Variants in RBFOX1 observed in about 807,000 individuals in gnomAD.
RBFOX1 encodes RNA binding fox-1 homolog 1.
In RBFOX1, 8 loss-of-function variants were observed where a neutral mutation model predicts 57.7. The observed-to-expected ratio is 0.14, with a 90% CI of 0.08 to 0.25. RBFOX1 has a LOEUF of 0.25. RBFOX1 is among the 10% of genes least tolerant of loss of function. The pLI is 1.00. For synonymous variants in RBFOX1, 326 were observed against 222.4 expected, an observed-to-expected ratio of 1.47 and a Z score of -4.15; for missense variants, 611 against 548.5, an observed-to-expected ratio of 1.11 and a Z score of -1.14.
At chr16:7,310,844 T>C (rs2142568738) in intron 4 of RBFOX1, among the ~76,000 whole-genome samples, 2 of 152,314 alleles carry the variant, frequency 1.3e-5, no homozygotes, top group Middle Eastern at 6.8e-3. Context: ...GCTGCCCTTC[T>C]AGACTCTCCC....
intron 1 of RBFOX1, among the ~76,000 whole-genome samples, chr16:5,334,315 T>C (rs914016013): frequency 1.3e-5 from 2 of 152,210 alleles, no homozygotes; most frequent in South Asian, 4.1e-4. Flanking sequence ...GTCATGCCGA[T>C]GTTAGCCATT....
At chr16:6,347,723 A>G (rs1432886163) in intron 2 of RBFOX1, among the ~76,000 whole-genome samples, 1 of 152,240 alleles carries the variant, frequency 6.6e-6, no homozygotes, top group East Asian at 1.9e-4. Context: ...AAATAATATC[A>G]TAAGACACAT....
intron 3 of RBFOX1, among the ~76,000 whole-genome samples, chr16:6,767,288 G>C (rs1260485974): frequency 6.6e-6 from 1 of 151,974 alleles, no homozygotes; most frequent in Non-Finnish European, 1.5e-5. Context: ...CTCAGTCTCA[G>C]AACACTTGTT....
chr16:6,549,538 G>GGGGAGGAGGAGAAT (rs2096953546), intron 2 of RBFOX1, among the ~76,000 whole-genome samples: 1 of 124,544 alleles, frequency 8.0e-6, no homozygotes, highest in Non-Finnish European at 1.7e-5. Flanking sequence ...AGGAGGAGGA[G>GGGGAGGAGGAGAAT]GGGAGGAGGA....
intron 1 of RBFOX1, among the ~76,000 whole-genome samples, chr16:6,285,607 G>A (rs1269055403): frequency 6.6e-6 from 1 of 152,086 alleles, no homozygotes; most frequent in Non-Finnish European, 1.5e-5. Context: ...TTTTTGTTCT[G>A]GTGAGAGGTT....
intron 4 of RBFOX1, among the ~76,000 whole-genome samples, chr16:5,901,416 A>G (rs1597706781): frequency 6.6e-6 from 1 of 152,342 alleles, no homozygotes; most frequent in South Asian, 2.1e-4. Context: ...AGGATGAAAT[A>G]TAACTCCTAG....
At chr16:6,594,855 C>G (rs1165821454) in intron 2 of RBFOX1, among the ~76,000 whole-genome samples, 1 of 152,168 alleles carries the variant, frequency 6.6e-6, no homozygotes, top group South Asian at 2.1e-4. Context: ...GTGGCGTGAT[C>G]TCAGCTAACT....
At chr16:6,565,550 C>T (rs901145755) in intron 2 of RBFOX1, among the ~76,000 whole-genome samples, 7 of 149,618 alleles carry the variant, frequency 4.7e-5, no homozygotes, top group Non-Finnish European at 1.0e-4. Flanking sequence ...AGTCACTGCG[C>T]CCAGCTCCCA....
At chr16:7,123,721 T>A (rs147468826) in intron 4 of RBFOX1, among the ~76,000 whole-genome samples, 131 of 152,306 alleles carry the variant, frequency 8.6e-4, no homozygotes, top group African/African-American at 3.0e-3. Context: ...ATATGGTGAC[T>A]ACTTGGACAT....
At chr16:7,225,684 A>G (rs1429994822) in intron 4 of RBFOX1, among the ~76,000 whole-genome samples, 1 of 144,400 alleles carries the variant, frequency 6.9e-6, no homozygotes, top group Non-Finnish European at 1.5e-5. Flanking sequence ...CGGGACAGAA[A>G]TCCAAATAGA....
intron 4 of RBFOX1, among the ~76,000 whole-genome samples, chr16:7,344,804 C>T (rs1046293688): frequency 1.3e-5 from 2 of 152,236 alleles, no homozygotes; most frequent in Non-Finnish European, 2.9e-5. Flanking sequence ...CCGCAGACCA[C>T]ACAATTCTGC....
intron 3 of RBFOX1, among the ~76,000 whole-genome samples, chr16:5,625,667 C>G (rs945362344): frequency 6.6e-6 from 1 of 151,812 alleles, no homozygotes; most frequent in Non-Finnish European, 1.5e-5. Flanking sequence ...AAGTGATTCT[C>G]CTTCCTCAGC....
intron 3 of RBFOX1, among the ~76,000 whole-genome samples, chr16:5,678,206 G>C (rs981444329): frequency 1.3e-5 from 2 of 152,170 alleles, no homozygotes; most frequent in Admixed American, 1.3e-4. Context: ...GCAGCCCACA[G>C]ATGCAGGGAG....
At chr16:7,130,180 C>T (rs1302860760) in intron 4 of RBFOX1, among the ~76,000 whole-genome samples, 5 of 151,854 alleles carry the variant, frequency 3.3e-5, no homozygotes, top group South Asian at 2.1e-4. Flanking sequence ...TTAACAGGCA[C>T]GTGCCACCAT....
intron 4 of RBFOX1, among the ~76,000 whole-genome samples, chr16:7,106,629 A>G (rs1452256940): frequency 6.6e-6 from 1 of 152,080 alleles, no homozygotes; most frequent in Non-Finnish European, 1.5e-5. Context: ...AATAATAATA[A>G]TTTTATTTCT....
chr16:6,620,240 A>G lies in RBFOX1; in HGVS notation c.-63-34363A>G, dbSNP rs891117803. Among the ~76,000 whole-genome samples, 6 of 152,326 alleles carry G rather than the reference A, an allele frequency of 3.9e-5. 1 individual carries two copies. The South Asian group carries it at 1.2e-3, about 32-fold the overall frequency. On this transcript the variant is annotated intron_variant, in intron 2 of 15. Coordinates refer to ENST00000550418, the MANE Select transcript of RBFOX1 (RefSeq NM_018723.4). ...TGGAAATTGAATAACCTGTTCCTAG[A>G]TGACTTCTGGGTCAATAATGAAATT...
At chr16:7,147,410 C>A (rs142178325) in intron 4 of RBFOX1, among the ~76,000 whole-genome samples, 1 of 151,246 alleles carries the variant, frequency 6.6e-6, no homozygotes, top group Admixed American at 6.6e-5. Context: ...GACAAATGAT[C>A]CTGTCACCCA....
Position 5,899,966 on chromosome 16 carries a change from G to T in RBFOX1, c.351+32631G>T, listed in dbSNP as rs149354233. On this transcript the variant is annotated intron_variant, in intron 4 of 19. Transcript: ENST00000641259. ...TGCAGACCTGTCGTCCCAGCTACTGGGATGGGGAGGCTGAGATGGGAGGAT... is the reference window on the plus strand; with the variant it reads ...TGCAGACCTGTCGTCCCAGCTACTGTGATGGGGAGGCTGAGATGGGAGGAT... Among the ~76,000 whole-genome samples the T allele has an allele frequency of 3.5e-3, 536 of 152,216 alleles. 3 individuals carry two copies. The highest frequency in any genetic ancestry group is 0.012 in the African/African-American group (519 of 41,532).
intron 3 of RBFOX1, among the ~76,000 whole-genome samples, chr16:5,759,454 A>G (rs1328163977): frequency 6.6e-6 from 1 of 152,214 alleles, no homozygotes; most frequent in Non-Finnish European, 1.5e-5. Context: ...ACATTGACAG[A>G]AATGCCACGC....
Sources: gnomAD v4.1 joint callset for allele counts (sites outside exome capture counted in the v4.1 genomes callset) on GRCh38, gnomAD v4.1.1 for gene constraint, MANE v1.5 for transcripts, NCBI Gene and HGNC (gene_info 2026-07-23, HGNC 2026-07-21) for gene names.